The following CYB5R2 variants were observed in gnomAD, a reference collection of about 807,000 sequenced individuals.
CYB5R2 encodes cytochrome b5 reductase 2, also known as NADH-cytochrome b5 reductase 2.
CYB5R2 carries 35 observed loss-of-function variants against 29.8 expected under a neutral mutation model. That is an observed-to-expected ratio of 1.17 (90% CI 0.90 to 1.56). CYB5R2 has a LOEUF of 1.56. CYB5R2 is among the 40% of genes most tolerant of loss of function. The pLI, the probability that CYB5R2 is intolerant of heterozygous loss-of-function variation, is 0.00. For missense variants in CYB5R2, 419 were observed against 346.7 expected (o/e 1.21, Z -1.66); for synonymous variants, 169 against 130.6 (o/e 1.29, Z -2.01).
In CYB5R2 at chr11:7,665,228, C is replaced by A; in HGVS notation, c.*146G>T. The A allele has an allele frequency of 4.4e-6, 3 of 678,818 alleles. No individual in the cohort carries two copies. 42.0% of individuals were successfully genotyped at this position (678,818 alleles called of 1,614,324 possible). A position where few individuals can be genotyped will look rare whatever the true frequency, so the allele number is the denominator to read the frequency against. ...AGCCCCTTGAGCCCTTTTTGTTAGG[C>A]CCACACCCAAAAGAGGAGAACCAGT... On this transcript the variant is annotated 3_prime_UTR_variant, in exon 9 of 9. Transcript: ENST00000299498.
chr11:7,674,170 G>T (rs7482385), upstream of CYB5R2: 31,093 of 1,239,758 alleles, frequency 0.025, 1,784 homozygotes, highest in African/African-American at 0.21. Context: ...GGGATGCTGG[G>T]GAAGGAAGAA....
upstream of CYB5R2, chr11:7,674,098 G>A (rs902631405): frequency 1.1e-5 from 13 of 1,197,100 alleles, no homozygotes; most frequent in Admixed American, 6.9e-5. Context: ...CACACTGAGC[G>A]CCCCTCAGCT....
chr11:7,672,294 A>G, intron 3 of CYB5R2, 157 bp downstream of exon 3: 3 of 622,026 alleles, frequency 4.8e-6, no homozygotes, highest in South Asian at 4.2e-5. Context: ...TCTGTCCCAC[A>G]TCCATCCCCC....
upstream of CYB5R2, chr11:7,674,030 C>T: frequency 8.5e-7 from 1 of 1,172,812 alleles, no homozygotes; most frequent in Non-Finnish European, 1.1e-6. Flanking sequence ...GCCGTGGCGT[C>T]CTCGCTCCTG....
Position 7,672,437 on chromosome 11 carries a change from C to A in CYB5R2, c.151+14G>T, listed in dbSNP as rs764260138. The A allele has an allele frequency of 6.2e-7, 1 of 1,613,714 alleles. No homozygotes were observed. Among genetic ancestry groups the A allele is most frequent in the South Asian group, 1.1e-5 (1 of 91,064 alleles). On this transcript the variant is annotated intron_variant, in intron 3 of 8. Coordinates refer to ENST00000299498, the MANE Select transcript of CYB5R2 (RefSeq NM_016229.5). ...AGAGGCCCCAGTCCTGGTGATGACC[C>A]AAGCCCGGCTCACCTACAGGAAGCC... is the stretch of plus-strand genomic sequence containing the variant.
chr11:7,665,812 C>T, intron 8 of CYB5R2: 2 of 1,520,950 alleles, frequency 1.3e-6, no homozygotes, highest in Non-Finnish European at 1.8e-6. Flanking sequence ...GGAAGGAGAA[C>T]ACAACGAGGT....
At chr11:7,673,039 G>C in intron 1 of CYB5R2, 148 bp from the exon 2 acceptor site, 3 of 754,464 alleles carry the variant, frequency 4.0e-6, no homozygotes, top group Non-Finnish European at 6.3e-6. Flanking sequence ...TAGTGACACA[G>C]AAGGCGGCTG....
intron 3 of CYB5R2, chr11:7,671,639 C>T (rs776750306): frequency 2.0e-5 from 3 of 147,224 alleles, no homozygotes; most frequent in Non-Finnish European, 4.4e-5. Context: ...AGTGTAATCT[C>T]ACCACCTGAT....
rs796069081 is a variant in CYB5R2 at position 7,669,563 on chromosome 11, A to G, written c.258+62T>C. ...CTCAGAGAAAAAGCACTGCCCCTCC[A>G]CCCCACCACCCTCAGTAGGCTTGGA... On this transcript the variant is annotated intron_variant, in intron 4 of 8. Transcript: ENST00000299498. 9.4e-6 allele frequency: 13 copies of G among 1,380,896 alleles called. No individual in the cohort carries two copies. The African/African-American group carries it at 1.9e-4, about 20-fold the overall frequency. 85.5% of individuals were successfully genotyped at this position (1,380,896 alleles called of 1,614,324 possible). A position where few individuals can be genotyped will look rare whatever the true frequency, so the allele number is the denominator to read the frequency against.
chr11:7,665,717 C>T (rs1255254682), intron 8 of CYB5R2, 171 bp from the exon 9 acceptor site: 1 of 1,161,830 alleles, frequency 8.6e-7, no homozygotes, highest in Admixed American at 2.5e-5. Flanking sequence ...AGTAAACAGC[C>T]CTCTGCAGCA....
chr11:7,665,914 G>T, intron 8 of CYB5R2: 1 of 1,536,116 alleles, frequency 6.5e-7, no homozygotes, highest in Non-Finnish European at 8.7e-7. Flanking sequence ...TGCTCAGTAG[G>T]GTAGCGCCCT....
At chr11:7,666,025 C>G in intron 8 of CYB5R2, 1 of 970,342 alleles carries the variant, frequency 1.0e-6, no homozygotes, top group Non-Finnish European at 1.6e-6. Context: ...GGGATGCTGT[C>G]TGGGCTGCAG....
chr11:7,669,718 C>G lies in CYB5R2; in HGVS notation c.165G>C (p.Gln55His), dbSNP rs148663657. The G allele has an allele frequency of 1.8e-4, 298 of 1,613,728 alleles. 1 individual carries two copies. In the African/African-American group the frequency reaches 3.4e-3, roughly 18 times the overall value. The change falls in exon 4 of 9, where the codon CAG (glutamine) becomes CAC (histidine). Residue 55 changes from glutamine to histidine, a missense_variant. By Grantham distance (24) the Gln-to-His change is conservative. Transcript: ENST00000299498. ...ATTCATTATCGATTTTTGCCAAGAGCTGGACATAGTTACCTATAGAAAAGG... is the reference window on the plus strand; with the variant it reads ...ATTCATTATCGATTTTTGCCAAGAGGTGGACATAGTTACCTATAGAAAAGG... ...VLGLPVGNYV[Q>H]LLAKIDNELV...
In CYB5R2 at chr11:7,665,613, T is replaced by G; in HGVS notation, c.659-67A>C. ...GTGGAGTTCCTGATCCCAGGCCGCC[T>G]GCACACCCACCCTCAGCCAGGGAGG... On this transcript the variant is annotated intron_variant, in intron 8 of 8. Transcript: ENST00000299498. 2.7e-6 allele frequency: 4 copies of G among 1,492,390 alleles called. No individual in the cohort carries two copies. In the South Asian group the frequency reaches 4.0e-5, roughly 15 times the overall value. The allele number at this position is 1,492,390 out of a possible 1,614,324, so 92.4% of individuals were successfully genotyped here.
At chr11:7,671,069 G>C (rs1400881475) in intron 3 of CYB5R2, 1 of 152,376 alleles carries the variant, frequency 6.6e-6, no homozygotes, top group Admixed American at 6.5e-5. Context: ...GCTGATTCAA[G>C]GGGATGAGCC....
chr11:7,665,633 G>A, intron 8 of CYB5R2, 87 bp from the exon 9 acceptor site: 4 of 1,387,974 alleles, frequency 2.9e-6, no homozygotes, highest in South Asian at 2.9e-5. Flanking sequence ...CCCTCAGCCA[G>A]GGAGGAGGTG....
intron 7 of CYB5R2, 98 bp from the exon 8 acceptor site, chr11:7,666,648 C>G (rs1855262788): frequency 2.6e-6 from 2 of 771,670 alleles, no homozygotes; most frequent in East Asian, 5.4e-5. Context: ...AAAGCTGCCA[C>G]CACTCCAGCT....
chr11:7,669,760 A>C (rs780845075), intron 3 of CYB5R2, 29 bp from the exon 4 acceptor site: 2 of 1,526,218 alleles, frequency 1.3e-6, no homozygotes, highest in Non-Finnish European at 1.8e-6. Context: ...GCACTGAGTC[A>C]AAGCATATTT....
chr11:7,667,902 G>T (rs765745446), intron 6 of CYB5R2, 89 bp from the exon 7 acceptor site: 68 of 1,048,048 alleles, frequency 6.5e-5, no homozygotes, highest in Middle Eastern at 2.1e-4. Context: ...CCTTCCCCCA[G>T]CCCAAGTTAT....
Sources: allele counts gnomAD v4.1 joint callset, GRCh38; gene constraint gnomAD v4.1.1; transcripts MANE v1.5; gene names NCBI Gene and HGNC (gene_info 2026-07-23, HGNC 2026-07-21).